Variants in ARL15 observed in about 807,000 individuals in gnomAD.
ARL15 encodes the protein ARF like GTPase 15.
A neutral mutation model predicts 25.2 loss-of-function variants in ARL15; 19 were observed. That is an observed-to-expected ratio of 0.75 (90% CI 0.53 to 1.10). The LOEUF (loss-of-function observed/expected upper bound fraction) is 1.10, where lower values mean the gene tolerates loss of function less well. Among genes scored for constraint, ARL15 ranks in the 50% least tolerant of loss-of-function variants. The pLI is 0.00. For missense variants in ARL15, 220 were observed against 246.0 expected, an observed-to-expected ratio of 0.89 and a Z score of 0.71; for synonymous variants, 94 against 86.8, an observed-to-expected ratio of 1.08 and a Z score of -0.46.
chr5:54,197,103 G>C (rs1022733920), intron 1 of ARL15, among the ~76,000 whole-genome samples: 8 of 152,098 alleles, frequency 5.3e-5, no homozygotes, highest in Admixed American at 3.9e-4. Flanking sequence ...TTTCATATTG[G>C]TGGTATTTGT....
At chr5:54,261,982 T>A (rs931568202) in intron 1 of ARL15, among the ~76,000 whole-genome samples, 1 of 152,198 alleles carries the variant, frequency 6.6e-6, no homozygotes, top group Admixed American at 6.5e-5. Flanking sequence ...ATGTATGTTT[T>A]CAATATAAGA....
intron 4 of ARL15, among the ~76,000 whole-genome samples, chr5:53,926,795 G>A (rs973363462): frequency 3.3e-5 from 5 of 151,994 alleles, no homozygotes; most frequent in African/African-American, 1.2e-4. Flanking sequence ...TATTCTGTAT[G>A]GACCTATGAA....
chr5:54,158,122 G>A (rs1458039299), intron 2 of ARL15, among the ~76,000 whole-genome samples: 1 of 152,056 alleles, frequency 6.6e-6, no homozygotes, highest in Non-Finnish European at 1.5e-5. Flanking sequence ...ATAATATTTA[G>A]GAGGGATACC....
At chr5:54,219,010 T>A (rs1183093847) in intron 1 of ARL15, among the ~76,000 whole-genome samples, 4 of 151,314 alleles carry the variant, frequency 2.6e-5, no homozygotes, top group Non-Finnish European at 4.4e-5. Flanking sequence ...AAGACAGTAA[T>A]CTGAAAACAG....
chr5:54,025,547 CAT>C (rs1294330537), intron 4 of ARL15, among the ~76,000 whole-genome samples: 7 of 152,134 alleles, frequency 4.6e-5, no homozygotes, highest in Admixed American at 1.3e-4. Context: ...AACGAAAAGA[CAT>C]GTGTTTCTTT....
intron 4 of ARL15, among the ~76,000 whole-genome samples, chr5:54,053,915 G>A (rs1347865878): frequency 6.6e-6 from 1 of 152,136 alleles, no homozygotes; most frequent in African/African-American, 2.4e-5. Context: ...TTAGTTATAA[G>A]CAATGTATCA....
At chr5:53,954,926 A>T (rs1323443367) in intron 4 of ARL15, among the ~76,000 whole-genome samples, 1 of 151,768 alleles carries the variant, frequency 6.6e-6, no homozygotes, top group Non-Finnish European at 1.5e-5. Flanking sequence ...TATGTGCCAT[A>T]CTCCAACATC....
chr5:53,923,767 A>G (rs1207627466), intron 4 of ARL15, among the ~76,000 whole-genome samples: 2 of 152,172 alleles, frequency 1.3e-5, no homozygotes, highest in African/African-American at 4.8e-5. Flanking sequence ...CGGGAGGCTG[A>G]GGCAGGAGAA....
intron 4 of ARL15, among the ~76,000 whole-genome samples, chr5:53,985,954 T>C (rs1748284963): frequency 6.6e-6 from 1 of 152,186 alleles, no homozygotes; most frequent in Non-Finnish European, 1.5e-5. Context: ...TGTCTCTCTG[T>C]AGGAATTTTT....
intron 4 of ARL15, among the ~76,000 whole-genome samples, chr5:53,942,203 G>T (rs1036441740): frequency 2.0e-5 from 3 of 152,032 alleles, no homozygotes; most frequent in Non-Finnish European, 4.4e-5. Flanking sequence ...TAGGTAAATT[G>T]TGGGGTGGGT....
intron 4 of ARL15, among the ~76,000 whole-genome samples, chr5:53,950,138 A>T (rs949118415): frequency 1.3e-5 from 2 of 152,190 alleles, no homozygotes; most frequent in African/African-American, 4.8e-5. Context: ...TCAAGTGTTT[A>T]AAGTGGCGGC....
chr5:54,122,824 C>T (rs1753125042), intron 3 of ARL15, among the ~76,000 whole-genome samples: 1 of 152,154 alleles, frequency 6.6e-6, no homozygotes, highest in Admixed American at 6.6e-5. Flanking sequence ...CTTTTCACAG[C>T]TTTTGCTTAA....
At chr5:54,004,522 T>C (rs1296718278) in intron 4 of ARL15, among the ~76,000 whole-genome samples, 1 of 151,068 alleles carries the variant, frequency 6.6e-6, no homozygotes, top group Non-Finnish European at 1.5e-5. Flanking sequence ...ATTCTCACCA[T>C]GCTATAGATG....
intron 3 of ARL15, among the ~76,000 whole-genome samples, chr5:54,141,851 T>C (rs1301724891): frequency 6.6e-6 from 1 of 152,212 alleles, no homozygotes; most frequent in Non-Finnish European, 1.5e-5. Flanking sequence ...CTTCTTTCAC[T>C]CAGCATAATT....
intron 1 of ARL15, among the ~76,000 whole-genome samples, chr5:54,263,404 C>G (rs2112627171): frequency 6.6e-6 from 1 of 152,070 alleles, no homozygotes; most frequent in African/African-American, 2.4e-5. Flanking sequence ...TTTTTCTACC[C>G]CTACAGTGCA....
chr5:53,973,995 CA>C (rs1747844081), intron 4 of ARL15, among the ~76,000 whole-genome samples: 1 of 151,706 alleles, frequency 6.6e-6, no homozygotes, highest in African/African-American at 2.4e-5. Flanking sequence ...AAAAAGAAGA[CA>C]AGAGACTAAT....
chr5:53,888,770 A>AG (rs1197083559), intron 4 of ARL15, among the ~76,000 whole-genome samples: 1 of 152,128 alleles, frequency 6.6e-6, no homozygotes, highest in Admixed American at 6.5e-5. Context: ...ATTGGCCAAT[A>AG]GGGGAAAAAA....
chr5:53,932,125 GA>G (rs1466106363), intron 4 of ARL15, among the ~76,000 whole-genome samples: 5 of 152,206 alleles, frequency 3.3e-5, no homozygotes, highest in African/African-American at 9.7e-5. Context: ...ACTAAGAAGG[GA>G]CAGCCTCAGT....
chr5:53,888,513 A>T (rs2111886213), intron 4 of ARL15, among the ~76,000 whole-genome samples: 1 of 152,226 alleles, frequency 6.6e-6, no homozygotes, highest in East Asian at 1.9e-4. Flanking sequence ...TGAACTCCTA[A>T]GCTCAGGGGC....
Sources: allele counts gnomAD v4.1 joint callset (sites outside exome capture counted in the v4.1 genomes callset), GRCh38; gene constraint gnomAD v4.1.1; transcripts MANE v1.5; gene names NCBI Gene and HGNC (gene_info 2026-07-23, HGNC 2026-07-21).